RBFOX1: variants seen among roughly 807,000 people sequenced by gnomAD.
RBFOX1 encodes RNA binding fox-1 homolog 1, also known as RNA binding protein fox-1 homolog 1.
A neutral mutation model predicts 57.7 loss-of-function variants in RBFOX1; 8 were observed. The ratio of observed to expected loss-of-function variants is 0.14; its 90% CI spans 0.08 to 0.25. The LOEUF is 0.25. Ranked by LOEUF, RBFOX1 falls within the 10% of genes least tolerant of loss-of-function variation. The probability of loss-of-function intolerance (pLI) is 1.00; values close to 1 mark genes in which losing one functional copy is unlikely to be tolerated. For missense variants in RBFOX1, 611 were observed against 548.5 expected (o/e 1.11, Z -1.14); for synonymous variants, 326 against 222.4 (o/e 1.47, Z -4.15).
At chr16:5,818,665 G>C (rs147269245) in intron 3 of RBFOX1, among the ~76,000 whole-genome samples, 6 of 152,332 alleles carry the variant, frequency 3.9e-5, no homozygotes, top group Non-Finnish European at 7.4e-5. Flanking sequence ...AAAGTTGTCA[G>C]CATGGGAGGA....
At chr16:7,199,862 T>A (rs1005500083) in intron 4 of RBFOX1, among the ~76,000 whole-genome samples, 1 of 151,876 alleles carries the variant, frequency 6.6e-6, no homozygotes, top group African/African-American at 2.4e-5. Flanking sequence ...ATAACTATAC[T>A]CCAGCCTGGG....
At chr16:6,172,749 G>T (rs1261047404) in intron 1 of RBFOX1, among the ~76,000 whole-genome samples, 1 of 152,214 alleles carries the variant, frequency 6.6e-6, no homozygotes, top group African/African-American at 2.4e-5. Flanking sequence ...CAGGACAGAA[G>T]GGTTTTGTGT....
At position 5,270,250 on chromosome 16, in the gene RBFOX1, C is replaced by G. The variant is rs2062971504; in HGVS notation, c.219+30145C>G. 15 of 557,932 alleles carry G rather than the reference C, an allele frequency of 2.7e-5. No homozygotes were observed. In the Admixed American group the frequency reaches 3.8e-4, roughly 14 times the overall value. 34.6% of individuals were successfully genotyped at this position (557,932 alleles called of 1,614,324 possible). ...AAGAAGAAAATACTTGATCCATTTTCTAAGAAAGATCAGTATGATGTAAAA... is the reference window on the plus strand; with the variant it reads ...AAGAAGAAAATACTTGATCCATTTTGTAAGAAAGATCAGTATGATGTAAAA... On this transcript the variant is annotated intron_variant, in intron 1 of 2. Coordinates refer to the RBFOX1 transcript ENST00000585867.
intron 2 of RBFOX1, among the ~76,000 whole-genome samples, chr16:6,501,409 C>T (rs1014863852): frequency 3.3e-5 from 5 of 149,648 alleles, no homozygotes; most frequent in African/African-American, 7.4e-5. Flanking sequence ...TTTGTCCTTG[C>T]GATAGTTTGC....
chr16:6,746,009 A>G (rs531522072), intron 3 of RBFOX1, among the ~76,000 whole-genome samples: 196 of 152,246 alleles, frequency 1.3e-3, no homozygotes, highest in Admixed American at 1.7e-3. Flanking sequence ...AAGCTTAAAA[A>G]TATCATTTGC....
At chr16:7,206,711 G>A (rs1359952282) in intron 4 of RBFOX1, among the ~76,000 whole-genome samples, 3 of 152,068 alleles carry the variant, frequency 2.0e-5, no homozygotes, top group African/African-American at 4.8e-5. Context: ...TTTACGAAGT[G>A]ACAAACAGAT....
chr16:5,612,255 A>T (rs1409719282), intron 3 of RBFOX1, among the ~76,000 whole-genome samples: 3 of 145,890 alleles, frequency 2.1e-5, no homozygotes, highest in Non-Finnish European at 1.5e-5. Context: ...CAGTTCTCCC[A>T]TCCATCCATC....
intron 3 of RBFOX1, among the ~76,000 whole-genome samples, chr16:6,966,327 G>A (rs2084149028): frequency 6.6e-6 from 1 of 152,124 alleles, no homozygotes; most frequent in South Asian, 2.1e-4. Flanking sequence ...GGGAGAGCAA[G>A]TTTTGGCTCT....
chr16:6,915,278 C>A lies in RBFOX1; in HGVS notation c.-15-136779C>A, dbSNP rs183429125. ...TCTACTAATTCCCTCCAAGAAGGGC[C>A]TGGGATTGTTTCCATTCTCTGTGTT... On this transcript the variant is annotated intron_variant, in intron 3 of 15. Coordinates refer to ENST00000550418, the MANE Select transcript of RBFOX1 (RefSeq NM_018723.4). Among the ~76,000 whole-genome samples the A allele has an allele frequency of 7.2e-4, 110 of 152,238 alleles. 1 individual carries two copies. The highest frequency in any genetic ancestry group is 2.4e-3 in the Admixed American group (37 of 15,286).
chr16:6,451,079 G>T (rs2094611640), intron 2 of RBFOX1, among the ~76,000 whole-genome samples: 2 of 151,012 alleles, frequency 1.3e-5, no homozygotes, highest in South Asian at 2.1e-4. Flanking sequence ...GAGTGTCTCA[G>T]TTACCCCGAT....
chr16:7,088,147 T>C (rs570454302), intron 4 of RBFOX1, among the ~76,000 whole-genome samples: 1 of 152,260 alleles, frequency 6.6e-6, no homozygotes, highest in East Asian at 1.9e-4. Flanking sequence ...TGTATGGGGT[T>C]TGGGGGGATG....
At chr16:7,448,608 A>G (rs879588114) in intron 4 of RBFOX1, among the ~76,000 whole-genome samples, 8 of 152,160 alleles carry the variant, frequency 5.3e-5, no homozygotes, top group African/African-American at 1.9e-4. Flanking sequence ...GGGAGCTACA[A>G]TTTAAGACGA....
At chr16:7,015,563 G>A (rs939702503) in intron 3 of RBFOX1, among the ~76,000 whole-genome samples, 1 of 152,110 alleles carries the variant, frequency 6.6e-6, no homozygotes, top group Admixed American at 6.5e-5. Flanking sequence ...TTGGATAGAA[G>A]GTTGTTCACA....
chr16:6,974,648 A>T (rs2086399111), intron 3 of RBFOX1, among the ~76,000 whole-genome samples: 1 of 151,812 alleles, frequency 6.6e-6, no homozygotes, highest in South Asian at 2.1e-4. Flanking sequence ...CCTGGCCCAT[A>T]AATCATATTC....
At chr16:6,002,303 C>G (rs1022770647) in intron 4 of RBFOX1, among the ~76,000 whole-genome samples, 2 of 152,176 alleles carry the variant, frequency 1.3e-5, no homozygotes, top group Admixed American at 1.3e-4. Context: ...GATTGTGTCT[C>G]TTTTGTCCTA....
At chr16:6,293,709 A>C (rs1200240867) in intron 1 of RBFOX1, among the ~76,000 whole-genome samples, 3 of 150,790 alleles carry the variant, frequency 2.0e-5, no homozygotes, top group Non-Finnish European at 4.4e-5. Flanking sequence ...TGGTATGGGC[A>C]GGAAGACTCT....
intron 2 of RBFOX1, among the ~76,000 whole-genome samples, chr16:6,500,937 G>A (rs1377640760): frequency 8.8e-6 from 1 of 113,436 alleles, no homozygotes; most frequent in Non-Finnish European, 1.8e-5. Context: ...GTTAAGTTTT[G>A]GGTTGGTGTT....
At chr16:5,804,906 G>T (rs1404524851) in intron 3 of RBFOX1, among the ~76,000 whole-genome samples, 2 of 152,292 alleles carry the variant, frequency 1.3e-5, no homozygotes, top group African/African-American at 4.8e-5. Context: ...CGGCTCTTGA[G>T]AAATGTTTTT....
At chr16:6,361,990 A>G (rs1482767622) in intron 2 of RBFOX1, among the ~76,000 whole-genome samples, 2 of 152,120 alleles carry the variant, frequency 1.3e-5, no homozygotes, top group Non-Finnish European at 1.5e-5. Context: ...TACAGCTGAG[A>G]AGAAAACAAG....
Sources: gnomAD v4.1 joint callset for allele counts (sites outside exome capture counted in the v4.1 genomes callset) on GRCh38, gnomAD v4.1.1 for gene constraint, MANE v1.5 for transcripts, NCBI Gene and HGNC (gene_info 2026-07-23, HGNC 2026-07-21) for gene names.